Variants in SLC27A5 observed in about 807,000 individuals in gnomAD.
SLC27A5 encodes the protein long-chain fatty acid transport protein 5.
SLC27A5 carries 47 observed loss-of-function variants against 63.1 expected under a neutral mutation model. The ratio of observed to expected loss-of-function variants is 0.74; its 90% CI spans 0.59 to 0.95. The LOEUF (loss-of-function observed/expected upper bound fraction) is 0.95, where lower values mean the gene tolerates loss of function less well. Ranked by LOEUF, SLC27A5 falls within the 40% of genes least tolerant of loss-of-function variation. The probability of loss-of-function intolerance (pLI) is 0.00; values close to 1 mark genes in which losing one functional copy is unlikely to be tolerated. For synonymous variants in SLC27A5, 391 were observed against 403.8 expected, an observed-to-expected ratio of 0.97 and a Z score of 0.38; for missense variants, 940 against 921.0, an observed-to-expected ratio of 1.02 and a Z score of -0.27.
chr19:58,501,461 A>T (rs773302744), intron 3 of SLC27A5, 51 bp from the exon 4 acceptor site: 2 of 1,596,300 alleles, frequency 1.3e-6, no homozygotes, highest in East Asian at 2.3e-5. Context: ...AAATTGTTGT[A>T]AGAAGCTGCT....
chr19:58,500,944 G>A, intron 4 of SLC27A5: 2 of 1,373,244 alleles, frequency 1.5e-6, no homozygotes, highest in South Asian at 1.9e-5. Flanking sequence ...CGTTACCAGA[G>A]GTGACTGGAG....
chr19:58,498,768 G>A lies in SLC27A5; in HGVS notation c.1896+17C>T. 6.2e-7 allele frequency: 1 copy of A among 1,612,480 alleles called. No individual in the cohort carries two copies. The highest frequency in any genetic ancestry group is 8.5e-7 in the Non-Finnish European group (1 of 1,178,832). On this transcript the variant is annotated intron_variant, in intron 9 of 9. Coordinates refer to ENST00000263093, the MANE Select transcript of SLC27A5 (RefSeq NM_012254.3). Reference sequence around the variant, plus strand: ...GCTATGATCTTCCACCCACCCACCAGGCCACCCTGGGCTCACCTGGATGCG... The same window carrying A: ...GCTATGATCTTCCACCCACCCACCAAGCCACCCTGGGCTCACCTGGATGCG...
chr19:58,506,207 A>G (rs2053345135), intron 3 of SLC27A5, among the ~76,000 whole-genome samples: 1 of 151,794 alleles, frequency 6.6e-6, no homozygotes, highest in African/African-American at 2.4e-5. Flanking sequence ...GATTATAGGC[A>G]TGAGGAACCA....
At chr19:58,503,122 G>C (rs981579532) in intron 3 of SLC27A5, among the ~76,000 whole-genome samples, 1 of 150,750 alleles carries the variant, frequency 6.6e-6, no homozygotes, top group Non-Finnish European at 1.5e-5. Flanking sequence ...GGAGAATGGC[G>C]TGAACCTGGG....
chr19:58,499,818 G>A, intron 6 of SLC27A5, 128 bp from the exon 7 acceptor site: 1 of 819,808 alleles, frequency 1.2e-6, no homozygotes, highest in Non-Finnish European at 1.9e-6. Context: ...ACACAGACAG[G>A]GAGATCCAGA....
At chr19:58,510,167 T>C (rs2053393922) in intron 2 of SLC27A5, 162 bp from the exon 3 acceptor site, 1 of 619,126 alleles carries the variant, frequency 1.6e-6, no homozygotes, top group African/African-American at 1.9e-5. Flanking sequence ...AGGCTGAATT[T>C]GGACTGAAAG....
In SLC27A5 at chr19:58,511,916, G is replaced by T. The variant is rs777078434; in HGVS notation, c.40C>A (p.Leu14Met). The change falls in exon 1 of 10, where the codon CTG becomes ATG. Residue 14 changes from leucine to methionine, a missense_variant. Leu to Met is a conservative substitution (Grantham distance 15). Transcript: ENST00000263093. ...RQQLALLLLLLLLLWGLGQPV... is the reference protein window; with the variant it reads ...RQQLALLLLLMLLLWGLGQPV... ...TGCCCCAGGCCCCAGAGCAGGAGCA[G>T]CAGCAGCAGCAGCAAGGCCAACTGT... The T allele has an allele frequency of 1.4e-5, 21 of 1,544,890 alleles. No individual in the cohort carries two copies. The African/African-American group carries it at 2.5e-4, about 18-fold the overall frequency.
chr19:58,499,043 A>C, intron 8 of SLC27A5, 80 bp downstream of exon 8: 1 of 1,602,386 alleles, frequency 6.2e-7, no homozygotes, highest in Non-Finnish European at 8.5e-7. Flanking sequence ...GGGCCCTAGC[A>C]CTTCCCCACC....
rs773884085 is a variant in SLC27A5 at position 58,498,907 on chromosome 19, C to T, written c.1774G>A (p.Gly592Ser). Residue 592 changes from glycine (G) to serine (S), a missense_variant, in exon 9 of 10, where the codon GGT becomes AGT. Transcript: ENST00000263093. ...VYGVCVPGCE[G>S]KVGMAAVQLA... Reference sequence around the variant, plus strand: ...TGCACAGCAGCCATGCCCACCTTACCCTCACAACCTAGAGAGCAGTCTGGT... The same window carrying T: ...TGCACAGCAGCCATGCCCACCTTACTCTCACAACCTAGAGAGCAGTCTGGT... The T allele has an allele frequency of 6.2e-7, 1 of 1,612,244 alleles. No homozygotes were observed. Among genetic ancestry groups the T allele is most frequent in the East Asian group, 2.2e-5 (1 of 44,878 alleles).
intron 3 of SLC27A5, among the ~76,000 whole-genome samples, chr19:58,502,759 G>A (rs2053293069): frequency 6.6e-6 from 1 of 150,838 alleles, no homozygotes; most frequent in African/African-American, 2.5e-5. Flanking sequence ...TAGTGAGTGA[G>A]TAGATGGATG....
chr19:58,504,515 G>A (rs368422909), intron 3 of SLC27A5, among the ~76,000 whole-genome samples: 1 of 147,544 alleles, frequency 6.8e-6, no homozygotes, highest in Non-Finnish European at 1.5e-5. Flanking sequence ...CGCTTGTGGC[G>A]GTGCGTGCCT....
intron 3 of SLC27A5, among the ~76,000 whole-genome samples, chr19:58,502,928 T>C (rs577628060): frequency 0.035 from 5,278 of 151,982 alleles, 136 homozygotes; most frequent in Non-Finnish European, 0.054. Flanking sequence ...GATAGGTGGC[T>C]GGGTGAGGAT....
chr19:58,503,077 C>T (rs570130260), intron 3 of SLC27A5, among the ~76,000 whole-genome samples: 37 of 151,974 alleles, frequency 2.4e-4, no homozygotes, highest in East Asian at 7.7e-4. Context: ...TGGTAGCGGG[C>T]GCCTGTAGTC....
At chr19:58,508,359 C>T (rs1268732387) in intron 3 of SLC27A5, 2 of 151,928 alleles carry the variant, frequency 1.3e-5, no homozygotes, top group East Asian at 1.9e-4. Context: ...GAGATTGAGA[C>T]CATCCTGGCT....
At position 58,511,458 on chromosome 19, in the gene SLC27A5, A is replaced by T; in HGVS notation, c.498T>A (p.Pro166=). ...AWALKAELGD[P]ASLCAGEPTA... is the part of the protein sequence containing the mutation. ...TAGGCTCCCCGGCACACAGGCTCGC[A>T]GGGTCACCCAGCTCAGCCTTCAGGG... The change falls in exon 1 of 10, where the codon CCT becomes CCA. Residue 166 remains proline (P), a synonymous_variant. Coordinates refer to ENST00000263093, the MANE Select transcript of SLC27A5 (RefSeq NM_012254.3). 6.3e-7 allele frequency: 1 copy of T among 1,590,860 alleles called. No individual in the cohort carries two copies. Among genetic ancestry groups the T allele is most frequent in the Middle Eastern group, 1.7e-4 (1 of 5,970 alleles).
Position 58,498,616 on chromosome 19 carries a change from C to G in SLC27A5, c.1972G>C (p.Val658Leu). 6.2e-7 allele frequency: 1 copy of G among 1,614,122 alleles called. No homozygotes were observed. Reference protein sequence around the residue: ...LVREGFNVGIVVDPLFVLDNR... With the variant: ...LVREGFNVGILVDPLFVLDNR... Reference sequence around the variant, plus strand: ...TCCAGTACAAACAGAGGGTCAACCACGATCCCCACATTGAAGCCCTCACGC... The same window carrying G: ...TCCAGTACAAACAGAGGGTCAACCAGGATCCCCACATTGAAGCCCTCACGC... Residue 658 changes from valine (V) to leucine (L), a missense_variant, in exon 10 of 10, where the codon GTG (valine) becomes CTG (leucine). Coordinates refer to ENST00000263093, the MANE Select transcript of SLC27A5 (RefSeq NM_012254.3).
At chr19:58,500,235 C>T in intron 6 of SLC27A5, 104 bp downstream of exon 6, 1 of 946,670 alleles carries the variant, frequency 1.1e-6, no homozygotes, top group Non-Finnish European at 1.6e-6. Flanking sequence ...GCAGACCCCT[C>T]TAGTGAGCAC....
chr19:58,498,338 T>G lies in SLC27A5; in HGVS notation c.*177A>C, dbSNP rs2122481850. The G allele has an allele frequency of 1.6e-5, 10 of 644,444 alleles. 2 individuals are homozygous for G. Among genetic ancestry groups the G allele is most frequent in the South Asian group, 1.4e-4 (7 of 49,602 alleles). 39.9% of individuals were successfully genotyped at this position (644,444 alleles called of 1,614,324 possible). A position where few individuals can be genotyped will look rare whatever the true frequency, so the allele number is the denominator to read the frequency against. ...ATCCACGCAGACATACAGACTTCTG[T>G]GAACACATCTGAGTTTATTCTGCCA... On this transcript the variant is annotated 3_prime_UTR_variant, in exon 10 of 10. Coordinates refer to ENST00000263093, the MANE Select transcript of SLC27A5 (RefSeq NM_012254.3).
chr19:58,500,654 C>G lies in SLC27A5; in HGVS notation c.1235G>C (p.Arg412Pro), dbSNP rs574617502. ...CTGGAAGGTCTCCCACACATCAGCCCGTAGTCCATTGCCCATTGCCAGGCG... is the reference window on the plus strand; with the variant it reads ...CTGGAAGGTCTCCCACACATCAGCCGGTAGTCCATTGCCCATTGCCAGGCG... ...TVRLAMGNGL[R>P]ADVWETFQQR... Residue 412 changes from arginine (R) to proline (P), a missense_variant, in exon 5 of 10, where the codon CGG becomes CCG. Physicochemically the swap from Arg to Pro is moderately radical, Grantham distance 103. Transcript: ENST00000263093. The G allele has an allele frequency of 6.2e-7, 1 of 1,614,152 alleles. No homozygotes were observed. The highest frequency in any genetic ancestry group is 1.1e-5 in the South Asian group (1 of 91,088).
Sources: allele counts gnomAD v4.1 joint callset (sites outside exome capture counted in the v4.1 genomes callset), GRCh38; gene constraint gnomAD v4.1.1; transcripts MANE v1.5; gene names NCBI Gene and HGNC (gene_info 2026-07-23, HGNC 2026-07-21).